MLLT1: variants seen among roughly 807,000 people sequenced by gnomAD.
MLLT1 encodes MLLT1 super elongation complex subunit.
MLLT1 carries 11 observed loss-of-function variants against 55.1 expected under a neutral mutation model. That is an observed-to-expected ratio of 0.20 (90% CI 0.13 to 0.33). The LOEUF (loss-of-function observed/expected upper bound fraction) is 0.33. Ranked by LOEUF, MLLT1 falls within the 10% of genes least tolerant of loss-of-function variation. The pLI is 1.00. For missense variants in MLLT1, 536 were observed against 760.6 expected, an observed-to-expected ratio of 0.70 and a Z score of 3.47; for synonymous variants, 323 against 320.1, an observed-to-expected ratio of 1.01 and a Z score of -0.10.
At chr19:6,274,391 C>T (rs1177942899) in intron 1 of MLLT1, among the ~76,000 whole-genome samples, 2 of 152,228 alleles carry the variant, frequency 1.3e-5, no homozygotes, top group African/African-American at 2.4e-5. Flanking sequence ...CCTTCCCCCA[C>T]ACCACCTGGA....
chr19:6,232,583 G>A (rs1380956946), intron 3 of MLLT1, among the ~76,000 whole-genome samples: 1 of 152,188 alleles, frequency 6.6e-6, no homozygotes, highest in African/African-American at 2.4e-5. Context: ...ATTAGATCAC[G>A]TGAACTTCGG....
chr19:6,217,659 G>A (rs1287613321), intron 7 of MLLT1, among the ~76,000 whole-genome samples: 2 of 152,246 alleles, frequency 1.3e-5, no homozygotes, highest in East Asian at 3.8e-4. Flanking sequence ...CACAGGGAGA[G>A]TTCTGGCCAT....
rs1015960061 is a variant in MLLT1 at position 6,231,778 on chromosome 19, G to C, written c.277-1065C>G. Among the ~76,000 whole-genome samples, 2 of 152,012 alleles carry C rather than the reference G, an allele frequency of 1.3e-5. No homozygotes were observed. Among genetic ancestry groups the C allele is most frequent in the African/African-American group, 2.4e-5 (1 of 41,408 alleles). ...AGCCTCCCAAAGTGCTGGGATTACAGGTGTGAGCCACCGCGCCCAGCTGAA... is the reference window on the plus strand; with the variant it reads ...AGCCTCCCAAAGTGCTGGGATTACACGTGTGAGCCACCGCGCCCAGCTGAA... On this transcript the variant is annotated intron_variant, in intron 3 of 11. Coordinates refer to ENST00000252674, the MANE Select transcript of MLLT1 (RefSeq NM_005934.4). The surrounding 1 kb of genome is among the most constrained non-coding windows in gnomAD (Gnocchi z 5.1).
chr19:6,214,144 C>G lies in MLLT1; in HGVS notation c.1308-106G>C. The G allele has an allele frequency of 5.3e-6, 3 of 570,708 alleles. No individual in the cohort carries two copies. In the South Asian group the frequency reaches 1.2e-4, roughly 23 times the overall value. 35.4% of individuals were successfully genotyped at this position (570,708 alleles called of 1,614,324 possible). A position where few individuals can be genotyped will look rare whatever the true frequency, so the allele number is the denominator to read the frequency against. ...CGCACGGAGTCGGTGCCTGAGCCCA[C>G]ACACCCCCAACAGCTCCATTCACCT... On this transcript the variant is annotated intron_variant, in intron 8 of 11. Transcript: ENST00000252674.
At chr19:6,234,909 A>C in intron 3 of MLLT1, among the ~76,000 whole-genome samples, 1 of 152,322 alleles carries the variant, frequency 6.6e-6, no homozygotes, top group Admixed American at 6.5e-5. Context: ...CAAACAAAAA[A>C]AAAAAACAAG....
At chr19:6,238,501 G>A (rs1193963739) in intron 3 of MLLT1, among the ~76,000 whole-genome samples, 1 of 152,192 alleles carries the variant, frequency 6.6e-6, no homozygotes, top group East Asian at 1.9e-4. Context: ...GGAGGTGGGG[G>A]GCGGCTGCTC....
At chr19:6,214,119 C>CGACTCCGTGCGGG in intron 8 of MLLT1, 81 bp from the exon 9 acceptor site, 1 of 865,984 alleles carries the variant, frequency 1.2e-6, no homozygotes, top group Non-Finnish European at 1.6e-6. Context: ...GCCTCTGCCC[C>CGACTCCGTGCGGG]GCACGGAGTC....
intron 3 of MLLT1, among the ~76,000 whole-genome samples, chr19:6,244,992 G>GA (rs1273344550): frequency 1.3e-5 from 2 of 152,068 alleles, no homozygotes; most frequent in Non-Finnish European, 2.9e-5. Flanking sequence ...GGCTGGGGGG[G>GA]AATGTAAAAT....
At chr19:6,242,367 G>A (rs2091122643) in intron 3 of MLLT1, among the ~76,000 whole-genome samples, 1 of 152,188 alleles carries the variant, frequency 6.6e-6, no homozygotes, top group Admixed American at 6.5e-5. Flanking sequence ...AAGGCTATGA[G>A]GCCAGTGCGG....
At chr19:6,272,838 G>A (rs114426250) in intron 1 of MLLT1, among the ~76,000 whole-genome samples, 6,748 of 152,338 alleles carry the variant, frequency 0.044, 194 homozygotes, top group Middle Eastern at 0.085. Context: ...GAGAGGCTGA[G>A]GGTCTGTGCG....
intron 3 of MLLT1, among the ~76,000 whole-genome samples, chr19:6,255,408 G>A (rs1462581599): frequency 6.6e-6 from 1 of 152,086 alleles, no homozygotes; most frequent in Non-Finnish European, 1.5e-5. Flanking sequence ...CAGGAGAATC[G>A]CTTGAATCCA....
At chr19:6,247,139 C>T (rs1219886119) in intron 3 of MLLT1, among the ~76,000 whole-genome samples, 1 of 152,064 alleles carries the variant, frequency 6.6e-6, no homozygotes, top group Admixed American at 6.5e-5. Flanking sequence ...GAGGAACGTA[C>T]GTTTGTTTTC....
In MLLT1 at chr19:6,230,058, A is replaced by ACG; in HGVS notation, c.420+511_420+512insCG. Reference sequence around the variant, plus strand: ...GCCCTGCGCCCACCCTGTTGCCAAGAGCCCTCGTGGGGAACTCTGAGCCCC... The same window carrying ACG: ...GCCCTGCGCCCACCCTGTTGCCAAGACGGCCCTCGTGGGGAACTCTGAGCCCC... On this transcript the variant is annotated intron_variant, in intron 4 of 11. Coordinates refer to ENST00000252674, the MANE Select transcript of MLLT1 (RefSeq NM_005934.4). This position sits in a 1 kb window ranked among gnomAD's most constrained non-coding sequence, Gnocchi z 9.0. 6.6e-6 allele frequency among the ~76,000 whole-genome samples: 1 copy of ACG among 151,742 alleles called. No homozygotes were observed. Among genetic ancestry groups the ACG allele is most frequent in the Non-Finnish European group, 1.5e-5 (1 of 67,938 alleles).
At position 6,222,449 on chromosome 19, in the gene MLLT1, G is replaced by A. The variant is rs1220387347; in HGVS notation, c.782C>T (p.Thr261Ile). 6.4e-7 allele frequency: 1 copy of A among 1,567,826 alleles called. No individual in the cohort carries two copies. Among genetic ancestry groups the A allele is most frequent in the Non-Finnish European group, 8.6e-7 (1 of 1,159,986 alleles). ...CTTGGGGGACGTGCTTTCCAGCTTG[G>A]TCTCTTTCAGGGCCATCTTGGGTTC... ...FKEPKMALKE[T>I]KLESTSPKGG... Residue 261 changes from threonine to isoleucine, a missense_variant, in exon 6 of 12, where the codon ACC becomes ATC. Physicochemically the swap from Thr to Ile is moderately conservative, Grantham distance 89. Around this residue, in one of 3 missense-constraint regions of MLLT1, gnomAD observed 449 missense variants for 489.0 expected, o/e 0.92. Transcript: ENST00000252674. This position sits in a 1 kb window ranked among gnomAD's most constrained non-coding sequence, Gnocchi z 4.1.
Position 6,256,679 on chromosome 19 carries a change from G to A in MLLT1, c.276+5549C>T, listed in dbSNP as rs56014824. On this transcript the variant is annotated intron_variant, in intron 3 of 11. Transcript: ENST00000252674. The surrounding 1 kb of genome is among the most constrained non-coding windows in gnomAD (Gnocchi z 4.1). Reference sequence around the variant, plus strand: ...TGAGGCAGGAGAATGGTGTGAACCCGGGAGGCGGAGCTTGCAGTGAGCCGA... The same window carrying A: ...TGAGGCAGGAGAATGGTGTGAACCCAGGAGGCGGAGCTTGCAGTGAGCCGA... Among the ~76,000 whole-genome samples, 2,098 of 151,834 alleles carry A rather than the reference G, an allele frequency of 0.014. 61 individuals carry two copies. The highest frequency in any genetic ancestry group is 0.045 in the African/African-American group (1,861 of 41,374).
chr19:6,275,050 G>A (rs920915794), intron 1 of MLLT1, among the ~76,000 whole-genome samples: 12 of 152,224 alleles, frequency 7.9e-5, no homozygotes, highest in African/African-American at 1.7e-4. Flanking sequence ...AAAGAGCCGC[G>A]AGCCAGCCTT....
At position 6,271,511 on chromosome 19, in the gene MLLT1, T is replaced by C. The variant is rs1474228755; in HGVS notation, c.13-752A>G. Reference sequence around the variant, plus strand: ...AGCTCCCTCCGCTGAGCACATGTCGTGTCTGACACTTTGCTCTGAAATACA... The same window carrying C: ...AGCTCCCTCCGCTGAGCACATGTCGCGTCTGACACTTTGCTCTGAAATACA... On this transcript the variant is annotated intron_variant, in intron 1 of 11. Coordinates refer to ENST00000252674, the MANE Select transcript of MLLT1 (RefSeq NM_005934.4). Among the ~76,000 whole-genome samples the C allele has an allele frequency of 2.6e-5, 4 of 152,332 alleles. No homozygotes were observed. In the South Asian group the frequency reaches 6.2e-4, roughly 24 times the overall value.
rs746750733 is a variant in MLLT1, at chr19:6,227,131, C to G, written c.421-29G>C. On this transcript the variant is annotated intron_variant, in intron 4 of 11. Transcript: ENST00000252674. The surrounding 1 kb of genome is among the most constrained non-coding windows in gnomAD (Gnocchi z 5.1). ...GTGACAGAGAAGAGACAGTCATTAT[C>G]GATGGGCAGGGGGCAGGGGGCCCAC... The G allele has an allele frequency of 6.3e-7, 1 of 1,579,156 alleles. No individual in the cohort carries two copies. The highest frequency in any genetic ancestry group is 1.4e-5 in the African/African-American group (1 of 72,618).
intron 3 of MLLT1, among the ~76,000 whole-genome samples, chr19:6,238,350 T>C (rs1193091473): frequency 6.6e-6 from 1 of 152,240 alleles, no homozygotes; most frequent in Non-Finnish European, 1.5e-5. Flanking sequence ...GGTTAGGGTT[T>C]TTGTTTTAAG....
Sources: allele counts gnomAD v4.1 joint callset (sites outside exome capture counted in the v4.1 genomes callset), GRCh38; gene constraint gnomAD v4.1.1; regional missense constraint gnomAD v4.1.1; non-coding constraint Gnocchi (gnomAD v3.1); transcripts MANE v1.5; gene names NCBI Gene and HGNC (gene_info 2026-07-23, HGNC 2026-07-21).